PUM1: variants seen among roughly 807,000 people sequenced by gnomAD.
PUM1 encodes the protein pumilio RNA binding family member 1, also known as pumilio homolog 1.
PUM1 carries 13 observed loss-of-function variants against 131.8 expected under a neutral mutation model. The observed-to-expected ratio is 0.10, with a 90% CI of 0.06 to 0.16. The LOEUF is 0.16. PUM1 is among the 10% of genes least tolerant of loss of function. The pLI, the probability that PUM1 is intolerant of heterozygous loss-of-function variation, is 1.00. For synonymous variants in PUM1, 509 were observed against 556.5 expected (o/e 0.91, Z 1.20); for missense variants, 961 against 1,512.4 (o/e 0.64, Z 6.05).
rs371510675 is a variant in PUM1, at chr1:30,936,637, G to A, written c.3435+6C>T. ...TTTCTCTGAGACCCTGCCCAGCCCG[G>A]CCTACCTTATGCATGACGATCTTCC... On this transcript the variant is annotated splice_donor_region_variant and intron_variant, in intron 21 of 21. Transcript: ENST00000426105. The A allele has an allele frequency of 8.1e-6, 13 of 1,611,062 alleles. No individual in the cohort carries two copies. The highest frequency in any genetic ancestry group is 9.3e-6 in the Non-Finnish European group (11 of 1,178,224).
intron 1 of PUM1, among the ~76,000 whole-genome samples, chr1:31,063,746 G>C (rs1644417424): frequency 6.6e-6 from 1 of 152,158 alleles, no homozygotes. Context: ...CTATAAAAAT[G>C]TTCAAACGAA....
chr1:30,936,607 C>A, intron 21 of PUM1, 36 bp downstream of exon 21: 1 of 1,580,074 alleles, frequency 6.3e-7, no homozygotes, highest in South Asian at 1.2e-5. Flanking sequence ...CAAGGCCTTG[C>A]ACACTTTCTC....
At chr1:30,995,324 G>A (rs1641941704) in intron 5 of PUM1, 104 bp from the exon 6 acceptor site, 1 of 1,242,176 alleles carries the variant, frequency 8.1e-7, no homozygotes, top group African/African-American at 1.5e-5. Context: ...GAAGAGGATA[G>A]TGTTGTGCCC....
intron 12 of PUM1, among the ~76,000 whole-genome samples, chr1:30,966,811 CCT>C (rs942081822): frequency 1.3e-5 from 2 of 152,118 alleles, no homozygotes; most frequent in Non-Finnish European, 2.9e-5. Context: ...CACTCCTGCC[CCT>C]GTGGCAAAAA....
At chr1:31,022,254 AAAAG>A (rs1643055133) in intron 3 of PUM1, among the ~76,000 whole-genome samples, 3 of 152,230 alleles carry the variant, frequency 2.0e-5, no homozygotes, top group African/African-American at 7.2e-5. Flanking sequence ...CATTATATTG[AAAAG>A]TGTTACCATT....
intron 6 of PUM1, among the ~76,000 whole-genome samples, chr1:30,994,761 T>C (rs1458421072): frequency 6.6e-6 from 1 of 152,232 alleles, no homozygotes; most frequent in Non-Finnish European, 1.5e-5. Context: ...CCTAGGTGAT[T>C]TTAATATCTG....
intron 2 of PUM1, among the ~76,000 whole-genome samples, chr1:31,058,832 T>C (rs1644308865): frequency 6.8e-6 from 1 of 147,188 alleles, no homozygotes; most frequent in East Asian, 2.1e-4. Flanking sequence ...CAGCCAGGCG[T>C]GGTGGTGCAC....
chr1:30,976,721 T>C (rs1168530145), intron 9 of PUM1, among the ~76,000 whole-genome samples: 1 of 152,136 alleles, frequency 6.6e-6, no homozygotes, highest in African/African-American at 2.4e-5. Context: ...ATAAAGGTGT[T>C]GCTAAGAAAA....
intron 3 of PUM1, among the ~76,000 whole-genome samples, chr1:31,027,479 G>T (rs1643267684): frequency 6.6e-6 from 1 of 152,124 alleles, no homozygotes; most frequent in African/African-American, 2.4e-5. Flanking sequence ...ACCATACAGG[G>T]TTTATTGATT....
intron 3 of PUM1, among the ~76,000 whole-genome samples, chr1:31,009,815 C>T (rs1365377087): frequency 2.5e-5 from 3 of 122,406 alleles, no homozygotes; most frequent in South Asian, 5.9e-4. Context: ...AAAAACACCT[C>T]AAGGAACAGT....
At chr1:30,942,288 C>T (rs933833737) in intron 18 of PUM1, among the ~76,000 whole-genome samples, 165 bp from the exon 19 acceptor site, 1 of 143,930 alleles carries the variant, frequency 6.9e-6, no homozygotes, top group Non-Finnish European at 1.5e-5. Flanking sequence ...TAAGTTCTCT[C>T]TACATATAAT....
At chr1:31,038,223 A>C (rs1234486212) in intron 2 of PUM1, among the ~76,000 whole-genome samples, 1 of 151,642 alleles carries the variant, frequency 6.6e-6, no homozygotes, top group Non-Finnish European at 1.5e-5. Context: ...AAAGAGAGAG[A>C]GAAATATGTT....
At chr1:30,946,633 T>C (rs1348290678) in intron 17 of PUM1, among the ~76,000 whole-genome samples, 1 of 70,342 alleles carries the variant, frequency 1.4e-5, no homozygotes, top group Admixed American at 1.2e-4. Flanking sequence ...CGAGACTCTG[T>C]CTCAAAAAAA....
intron 3 of PUM1, among the ~76,000 whole-genome samples, chr1:31,015,033 GACT>G (rs1642761589): frequency 6.6e-6 from 1 of 152,048 alleles, no homozygotes; most frequent in African/African-American, 2.4e-5. Flanking sequence ...TAGCCATAAT[GACT>G]ACATGTAATA....
intron 3 of PUM1, among the ~76,000 whole-genome samples, chr1:31,014,543 T>C (rs1225579078): frequency 6.6e-6 from 1 of 151,148 alleles, no homozygotes; most frequent in East Asian, 1.9e-4. Flanking sequence ...ATCTCAGCAC[T>C]TTGGGAGGCT....
intron 1 of PUM1, among the ~76,000 whole-genome samples, chr1:31,060,913 A>G (rs1267212288): frequency 2.6e-5 from 4 of 151,618 alleles, no homozygotes; most frequent in Non-Finnish European, 5.9e-5. Flanking sequence ...TAATAAATAA[A>G]TAAATAAATA....
In PUM1 at chr1:30,936,793, C is replaced by T; in HGVS notation, c.3285G>A (p.Glu1095=). The T allele has an allele frequency of 6.2e-7, 1 of 1,613,814 alleles. No homozygotes were observed. The highest frequency in any genetic ancestry group is 8.5e-7 in the Non-Finnish European group (1 of 1,179,762). The change falls in exon 21 of 22, where the codon GAG becomes GAA. Residue 1095 remains glutamate (E), a synonymous_variant. Coordinates refer to ENST00000426105, the MANE Select transcript of PUM1 (RefSeq NM_001020658.2). ...EKCVTHASRT[E]RAVLIDEVCT... ...ACACCTCATCGATGAGCACAGCGCG[C>T]TCCGTACGTGAGGCGTGAGTAACAC...
chr1:30,954,073 C>A lies in PUM1; in HGVS notation c.2324-92G>T. 2.3e-6 allele frequency: 3 copies of A among 1,328,254 alleles called. No individual in the cohort carries two copies. In the South Asian group the frequency reaches 4.1e-5, roughly 18 times the overall value. The allele number at this position is 1,328,254 out of a possible 1,614,324, so 82.3% of individuals were successfully genotyped here. ...CATTCCCACACCCGAAAGCCTGCAC[C>A]ATTTCTGATTTCTTCAATGCTGTTG... On this transcript the variant is annotated intron_variant, in intron 14 of 21. Coordinates refer to ENST00000426105, the MANE Select transcript of PUM1 (RefSeq NM_001020658.2).
chr1:30,938,260 A>C (rs1639295625), intron 20 of PUM1, among the ~76,000 whole-genome samples: 1 of 151,716 alleles, frequency 6.6e-6, no homozygotes, highest in Admixed American at 6.6e-5. Flanking sequence ...ACCATTTGAA[A>C]AAATTTTTGT....
Sources: allele counts gnomAD v4.1 joint callset (sites outside exome capture counted in the v4.1 genomes callset), GRCh38; gene constraint gnomAD v4.1.1; transcripts MANE v1.5; gene names NCBI Gene and HGNC (gene_info 2026-07-23, HGNC 2026-07-21).